CYP1A2: variants seen among roughly 807,000 people sequenced by gnomAD.
CYP1A2 encodes cytochrome P450 family 1 subfamily A member 2, also known as cytochrome P450 1A2.
A neutral mutation model predicts 34.7 loss-of-function variants in CYP1A2; 35 were observed. That is an observed-to-expected ratio of 1.01 (90% CI 0.77 to 1.34). The LOEUF (loss-of-function observed/expected upper bound fraction) is 1.34, where lower values mean the gene tolerates loss of function less well. CYP1A2 is among the 40% of genes most tolerant of loss of function. The probability of loss-of-function intolerance (pLI) is 0.00; values close to 1 mark genes in which losing one functional copy is unlikely to be tolerated. For synonymous variants in CYP1A2, 288 were observed against 281.9 expected (o/e 1.02, Z -0.22); for missense variants, 675 against 675.8 (o/e 1.00, Z 0.01).
Position 74,755,319 on chromosome 15 carries a change from A to G in CYP1A2, c.*231A>G. The G allele has an allele frequency of 2.2e-6, 1 of 454,516 alleles. No individual in the cohort carries two copies. Among genetic ancestry groups the G allele is most frequent in the Admixed American group, 3.9e-5 (1 of 25,678 alleles). 28.2% of individuals were successfully genotyped at this position (454,516 alleles called of 1,614,324 possible). On this transcript the variant is annotated 3_prime_UTR_variant, in exon 7 of 7. Transcript: ENST00000343932. ...GTCTCTACAAAAAAAAAATTTGCCAAGAGCCTGAGTGACAGAGCAAGACCC... is the reference window on the plus strand; with the variant it reads ...GTCTCTACAAAAAAAAAATTTGCCAGGAGCCTGAGTGACAGAGCAAGACCC...
intron 2 of CYP1A2, 52 bp downstream of exon 2, chr15:74,750,621 CCCCT>C: frequency 6.9e-7 from 1 of 1,453,314 alleles, no homozygotes; most frequent in Non-Finnish European, 9.6e-7. Context: ...CTGGGTGCAG[CCCCT>C]CCCTCCCAGC....
chr15:74,755,860 A>G lies in CYP1A2; in HGVS notation c.*772A>G, dbSNP rs2141743119. 6.6e-6 allele frequency: 1 copy of G among 152,204 alleles called. No individual in the cohort carries two copies. The highest frequency in any genetic ancestry group is 2.1e-4 in the South Asian group (1 of 4,824). 9.4% of individuals were successfully genotyped at this position (152,204 alleles called of 1,614,324 possible). A position where few individuals can be genotyped will look rare whatever the true frequency, so the allele number is the denominator to read the frequency against. On this transcript the variant is annotated 3_prime_UTR_variant, in exon 7 of 7. Transcript: ENST00000343932. ...TGAGACAGAGTCTTACTCTGTTGCC[A>G]GGCTGGAGTGCAGTGGCGCGATCTC...
rs1469949040 is a variant in CYP1A2, at chr15:74,754,983, C to T, written c.1446C>T (p.Ser482=). Residue 482 remains serine (S), a synonymous_variant, in exon 7 of 7, where the codon AGC becomes AGT. Transcript: ENST00000343932. ...LAILLQQLEF[S]VPPGVKVDLT... ...TCCTGCTACAGCAACTGGAGTTCAGCGTGCCGCCGGGCGTGAAAGTCGACC... is the reference window on the plus strand; with the variant it reads ...TCCTGCTACAGCAACTGGAGTTCAGTGTGCCGCCGGGCGTGAAAGTCGACC... 7 of 1,614,236 alleles carry T rather than the reference C, an allele frequency of 4.3e-6. No individual in the cohort carries two copies. Among genetic ancestry groups the T allele is most frequent in the African/African-American group, 2.7e-5 (2 of 75,060 alleles).
intron 5 of CYP1A2, among the ~76,000 whole-genome samples, chr15:74,752,870 CTTTTT>C (rs4646426): frequency 2.0e-4 from 19 of 96,172 alleles, no homozygotes; most frequent in Admixed American, 4.0e-4. Context: ...CTGCCTGCTG[CTTTTT>C]TTTTTTTTTT....
intron 6 of CYP1A2, among the ~76,000 whole-genome samples, chr15:74,753,760 G>T (rs2063326572): frequency 6.7e-6 from 1 of 150,266 alleles, no homozygotes; most frequent in Non-Finnish European, 1.5e-5. Context: ...AATCAACCAA[G>T]ACGTTTGTTA....
Position 74,751,771 on chromosome 15 carries a change from A to C in CYP1A2, c.959A>C (p.Asp320Ala), listed in dbSNP as rs2063316394. 2.5e-6 allele frequency: 4 copies of C among 1,613,842 alleles called. No homozygotes were observed. In the Admixed American group the frequency reaches 6.7e-5, roughly 27 times the overall value. Residue 320 changes from aspartate to alanine, a missense_variant, in exon 4 of 7, where the codon GAC becomes GCC. Coordinates refer to ENST00000343932, the MANE Select transcript of CYP1A2 (RefSeq NM_000761.5). ...CTTACACTACACGGTTCAGGATTTG[A>C]CACAGTCACCACAGCCATCTCCTGG... Reference protein sequence around the residue: ...LVNDIFGAGFDTVTTAISWSL... With the variant: ...LVNDIFGAGFATVTTAISWSL...
At chr15:74,751,130 A>G (rs1346321017) in intron 2 of CYP1A2, 59 bp from the exon 3 acceptor site, 12 of 1,601,606 alleles carry the variant, frequency 7.5e-6, no homozygotes, top group Non-Finnish European at 8.5e-6. Context: ...GGAGTGGAGC[A>G]ACGTTCAGCC....
chr15:74,753,257 G>T lies in CYP1A2; in HGVS notation c.1240G>T (p.Val414Phe). 6.2e-7 allele frequency: 1 copy of T among 1,613,844 alleles called. No individual in the cohort carries two copies. Among genetic ancestry groups the T allele is most frequent in the Non-Finnish European group, 8.5e-7 (1 of 1,179,836 alleles). ...CTGTGTCTTCGTAAACCAGTGGCAG[G>T]TCAACCATGACCCGTGAGTACATAC... is the stretch of plus-strand genomic sequence containing the variant. ...KCCVFVNQWQ[V>F]NHDPELWEDP... Residue 414 changes from valine (V) to phenylalanine (F), a missense_variant, in exon 6 of 7, where the codon GTC (valine) becomes TTC (phenylalanine). Physicochemically the swap from Val to Phe is conservative, Grantham distance 50. Coordinates refer to ENST00000343932, the MANE Select transcript of CYP1A2 (RefSeq NM_000761.5).
At chr15:74,753,364 G>A in intron 6 of CYP1A2, 94 bp downstream of exon 6, 9 of 1,003,738 alleles carry the variant, frequency 9.0e-6, no homozygotes, top group Non-Finnish European at 7.6e-6. Context: ...AATGAAAGGA[G>A]GGGACCTCAA....
At chr15:74,751,108 G>A in intron 2 of CYP1A2, 81 bp from the exon 3 acceptor site, 1 of 1,566,576 alleles carries the variant, frequency 6.4e-7, no homozygotes, top group Non-Finnish European at 8.7e-7. Flanking sequence ...CAGCCACCAG[G>A]TACAGGCCAG....
In CYP1A2 at chr15:74,751,618, G is replaced by T. The variant is rs878880453; in HGVS notation, c.953-147G>T. ...GAAACCTGTATCTCAAGTTTATGTT[G>T]AAGAGACCCAGCCTCTGTCTTCAGG... On this transcript the variant is annotated intron_variant, in intron 3 of 6. Coordinates refer to ENST00000343932, the MANE Select transcript of CYP1A2 (RefSeq NM_000761.5). 2.3e-5 allele frequency: 19 copies of T among 844,394 alleles called. No homozygotes were observed. The Admixed American group carries it at 4.2e-4, about 19-fold the overall frequency. The allele number at this position is 844,394 out of a possible 1,614,324, so 52.3% of individuals were successfully genotyped here.
rs2063334760 is a variant in CYP1A2, at chr15:74,755,497, G to A, written c.*409G>A. On this transcript the variant is annotated 3_prime_UTR_variant, in exon 7 of 7. Coordinates refer to ENST00000343932, the MANE Select transcript of CYP1A2 (RefSeq NM_000761.5). ...GAATCTCAGTCTGTCACCCAGGTTGGAGTGCAGTGGCGTGATCTCAGCTCA... is the reference window on the plus strand; with the variant it reads ...GAATCTCAGTCTGTCACCCAGGTTGAAGTGCAGTGGCGTGATCTCAGCTCA... The A allele has an allele frequency of 6.4e-6, 1 of 155,424 alleles. No individual in the cohort carries two copies. The highest frequency in any genetic ancestry group is 2.5e-5 in the African/African-American group (1 of 40,044). 9.6% of individuals were successfully genotyped at this position (155,424 alleles called of 1,614,324 possible).
chr15:74,755,290 C>A lies in CYP1A2; in HGVS notation c.*202C>A, dbSNP rs2141742445. On this transcript the variant is annotated 3_prime_UTR_variant, in exon 7 of 7. Coordinates refer to ENST00000343932, the MANE Select transcript of CYP1A2 (RefSeq NM_000761.5). ...AAGCAGCCTGGCCAACATAGTGGGACCCTGTCTCTACAAAAAAAAAATTTG... is the reference window on the plus strand; with the variant it reads ...AAGCAGCCTGGCCAACATAGTGGGAACCTGTCTCTACAAAAAAAAAATTTG... The A allele has an allele frequency of 1.8e-6, 1 of 570,636 alleles. No individual in the cohort carries two copies. Among genetic ancestry groups the A allele is most frequent in the Non-Finnish European group, 2.9e-6 (1 of 348,226 alleles). 35.3% of individuals were successfully genotyped at this position (570,636 alleles called of 1,614,324 possible).
chr15:74,751,237 G>A lies in CYP1A2; in HGVS notation c.880G>A (p.Gly294Arg). ...TGALFKHSKK[G>R]PRASGNLIPQ... ...TGCCCTGTTCAAGCACAGCAAGAAG[G>A]GGCCTAGAGCCAGCGGCAACCTCAT... The change falls in exon 3 of 7, where the codon GGG (glycine) becomes AGG (arginine). Residue 294 changes from glycine (G) to arginine (R), a missense_variant. Gly to Arg is a moderately radical substitution (Grantham distance 125). Coordinates refer to ENST00000343932, the MANE Select transcript of CYP1A2 (RefSeq NM_000761.5). 6.2e-7 allele frequency: 1 copy of A among 1,614,126 alleles called. No homozygotes were observed. The highest frequency in any genetic ancestry group is 1.1e-5 in the South Asian group (1 of 91,080).
chr15:74,752,872 T>A (rs2063322508), intron 5 of CYP1A2, among the ~76,000 whole-genome samples: 1 of 133,818 alleles, frequency 7.5e-6, no homozygotes, highest in Non-Finnish European at 1.6e-5. Flanking sequence ...GCCTGCTGCT[T>A]TTTTTTTTTT....
rs1450656899 is a variant in CYP1A2, at chr15:74,749,612, T to C, written c.-9-118T>C. ...GGTAGATGGAGCTTAGTCTTTCTGG[T>C]ATCCAGCTGGGAGCCAAGCACAGAA... On this transcript the variant is annotated intron_variant, in intron 1 of 6. Transcript: ENST00000343932. 7 of 823,126 alleles carry C rather than the reference T, an allele frequency of 8.5e-6. No individual in the cohort carries two copies. In the East Asian group the frequency reaches 1.0e-4, roughly 12 times the overall value. 51.0% of individuals were successfully genotyped at this position (823,126 alleles called of 1,614,324 possible). A position where few individuals can be genotyped will look rare whatever the true frequency, so the allele number is the denominator to read the frequency against.
chr15:74,749,135 G>A (rs2063302181), intron 1 of CYP1A2, among the ~76,000 whole-genome samples: 2 of 152,188 alleles, frequency 1.3e-5, no homozygotes, highest in South Asian at 4.1e-4. Flanking sequence ...CCTGGCCCTG[G>A]CTGAAGCCCA....
At chr15:74,751,959 G>A in intron 4 of CYP1A2, 105 bp downstream of exon 4, 1 of 1,502,466 alleles carries the variant, frequency 6.7e-7, no homozygotes, top group Non-Finnish European at 9.1e-7. Flanking sequence ...CAAGCCCTGG[G>A]CACACAGTAG....
rs1278651713 is a variant in CYP1A2, at chr15:74,751,815, A to G, written c.1003A>G (p.Thr335Ala). 1.2e-6 allele frequency: 2 copies of G among 1,614,032 alleles called. No homozygotes were observed. The highest frequency in any genetic ancestry group is 2.7e-5 in the African/African-American group (2 of 74,906). ...AISWSLMYLV[T>A]KPEIQRKIQK... The stretch of plus-strand genomic sequence containing the variant: ...CTCCTGGAGCCTCATGTACCTTGTG[A>G]CCAAGCCTGAGATACAGAGGAAGAT... The change falls in exon 4 of 7, where the codon ACC becomes GCC. Residue 335 changes from threonine to alanine, a missense_variant. Coordinates refer to ENST00000343932, the MANE Select transcript of CYP1A2 (RefSeq NM_000761.5).
Sources: allele counts gnomAD v4.1 joint callset (sites outside exome capture counted in the v4.1 genomes callset), GRCh38; gene constraint gnomAD v4.1.1; transcripts MANE v1.5; gene names NCBI Gene and HGNC (gene_info 2026-07-23, HGNC 2026-07-21).